The following FCHO1 variants were observed in gnomAD, a reference collection of about 807,000 sequenced individuals.
FCHO1 encodes FCH and mu domain containing endocytic adaptor 1.
In FCHO1, 45 loss-of-function variants were observed where a neutral mutation model predicts 114.4. The ratio of observed to expected loss-of-function variants is 0.39; its 90% CI spans 0.31 to 0.50. The LOEUF is 0.50. Ranked by LOEUF, FCHO1 falls within the 20% of genes least tolerant of loss-of-function variation. FCHO1 has a pLI of 0.77. For missense variants in FCHO1, 1,042 were observed against 1,209.6 expected (o/e 0.86, Z 2.06); for synonymous variants, 480 against 488.9 (o/e 0.98, Z 0.24).
chr19:17,778,508 C>T, intron 19 of FCHO1, 101 bp from the exon 20 acceptor site: 6 of 1,357,338 alleles, frequency 4.4e-6, no homozygotes, highest in East Asian at 5.1e-5. Flanking sequence ...TGAATGGGGG[C>T]CCCCCTGACC....
upstream of FCHO1, among the ~76,000 whole-genome samples, chr19:17,748,906 A>G (rs1018504234): frequency 6.6e-6 from 1 of 152,180 alleles, no homozygotes; most frequent in Non-Finnish European, 1.5e-5. Flanking sequence ...TGGGGTCAAG[A>G]CAGCATTGGG....
intron 26 of FCHO1, among the ~76,000 whole-genome samples, chr19:17,785,526 C>CA (rs1376721242): frequency 6.6e-6 from 1 of 151,838 alleles, no homozygotes; most frequent in Non-Finnish European, 1.5e-5. Flanking sequence ...CCCAGCCTTA[C>CA]AAAAAAATAT....
chr19:17,778,266 C>T (rs1027711246), intron 19 of FCHO1, 38 bp downstream of exon 19: 1 of 1,534,250 alleles, frequency 6.5e-7, no homozygotes, highest in Non-Finnish European at 9.0e-7. Context: ...TGGGTGTGGC[C>T]GGAGGGAGGT....
Position 17,776,551 on chromosome 19 carries a change from C to T in FCHO1, c.1208-84C>T. ...ACCTTGGGCAACTGGCTGGACACCC[C>T]CGAGCCTCGGTCCCTTGGTCTGTGG... On this transcript the variant is annotated intron_variant, in intron 17 of 28. Transcript: ENST00000596536. This position sits in a 1 kb window ranked among gnomAD's most constrained non-coding sequence, Gnocchi z 4.4. 1 of 1,511,320 alleles carries T rather than the reference C, an allele frequency of 6.6e-7. No individual in the cohort carries two copies. The highest frequency in any genetic ancestry group is 2.3e-5 in the East Asian group (1 of 44,304). 93.6% of individuals were successfully genotyped at this position (1,511,320 alleles called of 1,614,324 possible). A position where few individuals can be genotyped will look rare whatever the true frequency, so the allele number is the denominator to read the frequency against.
At chr19:17,753,484 C>T (rs777628327) in intron 1 of FCHO1, among the ~76,000 whole-genome samples, 5 of 152,160 alleles carry the variant, frequency 3.3e-5, no homozygotes, top group East Asian at 3.8e-4. Flanking sequence ...CCATGCAGGA[C>T]GGTGATATCT....
chr19:17,772,334 C>T, intron 9 of FCHO1, 123 bp from the exon 10 acceptor site: 1 of 726,422 alleles, frequency 1.4e-6, no homozygotes, highest in Non-Finnish European at 2.5e-6. Context: ...CTCTCATTGG[C>T]CCTTCCCCAA....
At chr19:17,781,406 C>G in intron 21 of FCHO1, 46 bp from the exon 22 acceptor site, 3 of 1,611,230 alleles carry the variant, frequency 1.9e-6, no homozygotes, top group African/African-American at 2.7e-5. Flanking sequence ...CTTTTGGGCA[C>G]TGGTCCTGGG....
Position 17,776,592 on chromosome 19 carries a change from A to G in FCHO1, c.1208-43A>G. 1 of 1,609,984 alleles carries G rather than the reference A, an allele frequency of 6.2e-7. No homozygotes were observed. On this transcript the variant is annotated intron_variant, in intron 17 of 28. Transcript: ENST00000596536. This position sits in a 1 kb window ranked among gnomAD's most constrained non-coding sequence, Gnocchi z 4.4. ...TGGTCTGTGGAGTGGGGAGCATTGC[A>G]GGCAGGGTGACAAGAAGGCTGAAGG...
chr19:17,771,183 C>T (rs907902804), intron 9 of FCHO1, among the ~76,000 whole-genome samples: 3 of 150,592 alleles, frequency 2.0e-5, no homozygotes, highest in Non-Finnish European at 3.0e-5. Context: ...AACCAGAAGG[C>T]GGAGGTTGCA....
chr19:17,781,189 C>G, intron 20 of FCHO1, 42 bp from the exon 21 acceptor site: 1 of 1,465,828 alleles, frequency 6.8e-7, no homozygotes, highest in Non-Finnish European at 9.4e-7. Context: ...CCCAGAGGCC[C>G]CGGGCAGCAT....
intron 23 of FCHO1, among the ~76,000 whole-genome samples, chr19:17,782,632 G>A (rs781289706): frequency 5.3e-5 from 8 of 152,170 alleles, no homozygotes; most frequent in South Asian, 2.1e-4. Flanking sequence ...AGGGACAAGC[G>A]GAGTGCAGGG....
intron 4 of FCHO1, among the ~76,000 whole-genome samples, chr19:17,757,356 G>A (rs1046019986): frequency 2.0e-5 from 3 of 152,092 alleles, no homozygotes; most frequent in Non-Finnish European, 4.4e-5. Flanking sequence ...TCTGGGAAAC[G>A]GGCCAGCAGT....
In FCHO1 at chr19:17,776,780, G is replaced by A; in HGVS notation, c.1259+94G>A. The A allele has an allele frequency of 8.3e-7, 1 of 1,200,196 alleles. No individual in the cohort carries two copies. The highest frequency in any genetic ancestry group is 1.2e-6 in the Non-Finnish European group (1 of 829,012). The allele number at this position is 1,200,196 out of a possible 1,614,324, so 74.3% of individuals were successfully genotyped here. On this transcript the variant is annotated intron_variant, in intron 18 of 28. Transcript: ENST00000596536. The surrounding 1 kb of genome is among the most constrained non-coding windows in gnomAD (Gnocchi z 4.4). ...CCTGGTGTTCTCTTGTCCCGGCTGG[G>A]AGTTGACGTCATGCTGGGGTTTTTT...
chr19:17,773,565 T>G (rs2092091993), intron 11 of FCHO1, among the ~76,000 whole-genome samples: 1 of 152,156 alleles, frequency 6.6e-6, no homozygotes, highest in African/African-American at 2.4e-5. Flanking sequence ...GGCTCCCCAT[T>G]GTTCTTGGGA....
At chr19:17,755,466 A>ACTTC (rs2083135323) in intron 4 of FCHO1, 3 of 326,854 alleles carry the variant, frequency 9.2e-6, no homozygotes, top group Non-Finnish European at 1.7e-5. Flanking sequence ...CCCCATGAAA[A>ACTTC]AGTGCAGAGT....
chr19:17,781,444 C>T lies in FCHO1; in HGVS notation c.1741-8C>T, dbSNP rs779608387. On this transcript the variant is annotated splice_region_variant and splice_polypyrimidine_tract_variant and intron_variant, in intron 21 of 28. Coordinates refer to ENST00000596536, the MANE Select transcript of FCHO1 (RefSeq NM_015122.3). The stretch of plus-strand genomic sequence containing the variant: ...ACTCACAGCCAAGATTGTCTCTTTC[C>T]CTTCCAGTCTCGTTCCCTGAGCCCC... 1 of 1,614,038 alleles carries T rather than the reference C, an allele frequency of 6.2e-7. No individual in the cohort carries two copies. The highest frequency in any genetic ancestry group is 1.1e-5 in the South Asian group (1 of 91,080).
chr19:17,782,659 C>T (rs2147356561), intron 23 of FCHO1, among the ~76,000 whole-genome samples: 1 of 152,190 alleles, frequency 6.6e-6, no homozygotes, highest in Non-Finnish European at 1.5e-5. Context: ...ATTGGGGTGG[C>T]CTTCAGCAGA....
intron 4 of FCHO1, among the ~76,000 whole-genome samples, chr19:17,756,475 T>C (rs999137422): frequency 3.9e-5 from 6 of 151,964 alleles, no homozygotes; most frequent in African/African-American, 7.3e-5. Context: ...AAAGAGAAAA[T>C]AGAAACCACC....
rs530943761 is a variant in FCHO1 at position 17,779,036 on chromosome 19, G to A, written c.1627+152G>A. 436 of 868,052 alleles carry A rather than the reference G, an allele frequency of 5.0e-4. 1 individual carries two copies. In the African/African-American group the frequency reaches 7.0e-3, roughly 14 times the overall value. The allele number at this position is 868,052 out of a possible 1,614,324, so 53.8% of individuals were successfully genotyped here. ...CCGTTGCAGGGACAACAATGAGATG[G>A]ACATTTAGCAAGGCAGGCGGTAGCG... On this transcript the variant is annotated intron_variant, in intron 20 of 28. Coordinates refer to ENST00000596536, the MANE Select transcript of FCHO1 (RefSeq NM_015122.3).
Sources: allele counts gnomAD v4.1 joint callset (sites outside exome capture counted in the v4.1 genomes callset), GRCh38; gene constraint gnomAD v4.1.1; non-coding constraint Gnocchi (gnomAD v3.1); transcripts MANE v1.5; gene names NCBI Gene and HGNC (gene_info 2026-07-23, HGNC 2026-07-21).